Variants in EP300 observed in about 807,000 individuals in gnomAD.
EP300 encodes the protein histone acetyltransferase p300.
EP300 carries 31 observed loss-of-function variants against 264.0 expected under a neutral mutation model. The observed-to-expected ratio is 0.12, with a 90% CI of 0.09 to 0.16. EP300 has a LOEUF of 0.16. Among genes scored for constraint, EP300 ranks in the 10% least tolerant of loss-of-function variants. The pLI, the probability that EP300 is intolerant of heterozygous loss-of-function variation, is 1.00. For missense variants in EP300, 2,766 were observed against 3,052.9 expected (o/e 0.91, Z 2.21); for synonymous variants, 1,340 against 1,045.4 (o/e 1.28, Z -5.44).
intron 12 of EP300, 99 bp from the exon 13 acceptor site, chr22:41,148,939 A>G (rs1284800853): frequency 3.4e-5 from 52 of 1,546,854 alleles, no homozygotes; most frequent in South Asian, 8.0e-5. Flanking sequence ...GCTTTTCTCT[A>G]CTTAATAAGC....
At chr22:41,162,850 G>T in intron 21 of EP300, 71 bp downstream of exon 21, 1 of 1,284,058 alleles carries the variant, frequency 7.8e-7, no homozygotes, top group South Asian at 1.2e-5. Context: ...CTTGAAGTTT[G>T]CATGACCAAT....
At position 41,178,565 on chromosome 22, in the gene EP300, T is replaced by A; in HGVS notation, c.6854T>A (p.Leu2285His). ...CCCATGAGCCCCCAGCAGCATATGCTCCCAAATCAGGCCCAGTCCCCACAC... is the reference window on the plus strand; with the variant it reads ...CCCATGAGCCCCCAGCAGCATATGCACCCAAATCAGGCCCAGTCCCCACAC... The part of the protein sequence containing the change: ...PNPMSPQQHM[L>H]PNQAQSPHLQ... The change falls in exon 31 of 31, where the codon CTC becomes CAC. Residue 2285 changes from leucine to histidine, a missense_variant. Physicochemically the swap from Leu to His is moderately conservative, Grantham distance 99. Coordinates refer to ENST00000263253, the MANE Select transcript of EP300 (RefSeq NM_001429.4). The A allele has an allele frequency of 4.3e-6, 7 of 1,613,592 alleles. No individual in the cohort carries two copies. Among genetic ancestry groups the A allele is most frequent in the Non-Finnish European group, 5.9e-6 (7 of 1,179,902 alleles).
rs760714040 is a variant in EP300 at position 41,152,191 on chromosome 22, TA to T, written c.2998-14del. 2 of 1,613,624 alleles carry T rather than the reference TA, an allele frequency of 1.2e-6. No individual in the cohort carries two copies. Among genetic ancestry groups the T allele is most frequent in the South Asian group, 1.1e-5 (1 of 91,060 alleles). On this transcript the variant is annotated splice_polypyrimidine_tract_variant and intron_variant, in intron 15 of 30. Coordinates refer to ENST00000263253, the MANE Select transcript of EP300 (RefSeq NM_001429.4). ...ATATCTTTGGAATACTAAAAATTCT[TA>T]CGTTTTCTTTTAGTCTAAAGTGGAA...
At chr22:41,094,532 C>T (rs950880815) in intron 1 of EP300, among the ~76,000 whole-genome samples, 1 of 152,186 alleles carries the variant, frequency 6.6e-6, no homozygotes, top group African/African-American at 2.4e-5. Context: ...TTGATCTGTA[C>T]CTATTCTATG....
chr22:41,156,100 C>A (rs367555632), intron 17 of EP300, among the ~76,000 whole-genome samples: 4 of 152,104 alleles, frequency 2.6e-5, no homozygotes, highest in Non-Finnish European at 5.9e-5. Flanking sequence ...CAACCTCCCC[C>A]TCCCGGGTTC....
At chr22:41,111,697 C>T (rs1395718944) in intron 1 of EP300, among the ~76,000 whole-genome samples, 1 of 151,562 alleles carries the variant, frequency 6.6e-6, no homozygotes, top group Non-Finnish European at 1.5e-5. Context: ...TGCACCACCA[C>T]GTACCGCTAA....
chr22:41,127,466 A>G, intron 3 of EP300, 21 bp from the exon 4 acceptor site: 2 of 1,613,804 alleles, frequency 1.2e-6, no homozygotes, highest in Middle Eastern at 1.6e-4. Context: ...CTACCATTAA[A>G]TATATTGTTA....
chr22:41,178,324 A>T lies in EP300; in HGVS notation c.6613A>T (p.Met2205Leu). 2 of 1,614,196 alleles carry T rather than the reference A, an allele frequency of 1.2e-6. No homozygotes were observed. Among genetic ancestry groups the T allele is most frequent in the Non-Finnish European group, 1.7e-6 (2 of 1,180,018 alleles). The change falls in exon 31 of 31, where the codon ATG becomes TTG. Residue 2205 changes from methionine to leucine, a missense_variant. Transcript: ENST00000263253. ...QGAGPGIGPG[M>L]ANHNQFQQPQ... ...AGCAGGGCCAGGAATAGGCCCTGGA[A>T]TGGCCAACCATAACCAGTTCCAGCA...
chr22:41,119,505 C>T (rs1229521203), intron 2 of EP300, among the ~76,000 whole-genome samples: 2 of 151,958 alleles, frequency 1.3e-5, no homozygotes, highest in African/African-American at 2.4e-5. Context: ...TACAATAAAC[C>T]CTCACTGGTG....
rs1171308271 is a variant in EP300 at position 41,179,196 on chromosome 22, T to C, written c.*240T>C. On this transcript the variant is annotated 3_prime_UTR_variant, in exon 31 of 31. Transcript: ENST00000263253. Reference sequence around the variant, plus strand: ...GTTACCACCAGCCTTTCTTCCCCTTTGTGTGTGTGGTTCAAGTGTGCACTG... The same window carrying C: ...GTTACCACCAGCCTTTCTTCCCCTTCGTGTGTGTGGTTCAAGTGTGCACTG... 5 of 555,742 alleles carry C rather than the reference T, an allele frequency of 9.0e-6. No homozygotes were observed. Among genetic ancestry groups the C allele is most frequent in the Non-Finnish European group, 1.6e-5 (5 of 314,552 alleles). 34.4% of individuals were successfully genotyped at this position (555,742 alleles called of 1,614,324 possible).
At position 41,179,647 on chromosome 22, in the gene EP300, G is replaced by A. The variant is rs542469146; in HGVS notation, c.*691G>A. ...TCAAGTATTAAAATAATTTGTACATGTAGAGAGAAAAATGACTTTTTCAAA... is the reference window on the plus strand; with the variant it reads ...TCAAGTATTAAAATAATTTGTACATATAGAGAGAAAAATGACTTTTTCAAA... On this transcript the variant is annotated 3_prime_UTR_variant, in exon 31 of 31. Coordinates refer to ENST00000263253, the MANE Select transcript of EP300 (RefSeq NM_001429.4). 28 of 225,002 alleles carry A rather than the reference G, an allele frequency of 1.2e-4. No individual in the cohort carries two copies. Among genetic ancestry groups the A allele is most frequent in the African/African-American group, 5.8e-4 (26 of 44,766 alleles). The allele number at this position is 225,002 out of a possible 1,614,324, so 13.9% of individuals were successfully genotyped here.
At chr22:41,108,308 G>A (rs1376807677) in intron 1 of EP300, among the ~76,000 whole-genome samples, 1 of 147,558 alleles carries the variant, frequency 6.8e-6, no homozygotes, top group African/African-American at 2.5e-5. Flanking sequence ...GAGTGCAGTG[G>A]CGTGATCATG....
rs145997207 is a variant in EP300 at position 41,096,899 on chromosome 22, G to A, written c.94+3801G>A. ...CTCCCAAAGTGCTGGGAATACAGGCGTGAGCCACCATGCCCGGCTGTCAGC... is the reference window on the plus strand; with the variant it reads ...CTCCCAAAGTGCTGGGAATACAGGCATGAGCCACCATGCCCGGCTGTCAGC... On this transcript the variant is annotated intron_variant, in intron 1 of 30. Transcript: ENST00000263253. 7.5e-3 allele frequency among the ~76,000 whole-genome samples: 1,141 copies of A among 152,274 alleles called. 13 individuals are homozygous for A. The highest frequency in any genetic ancestry group is 0.026 in the African/African-American group (1,093 of 41,562).
intron 1 of EP300, among the ~76,000 whole-genome samples, chr22:41,107,005 C>T (rs964213351): frequency 4.9e-4 from 74 of 152,208 alleles, no homozygotes; most frequent in African/African-American, 1.7e-3. Flanking sequence ...CTCCAAGGTT[C>T]GGGTGATTCT....
At chr22:41,166,059 A>G (rs2145758626) in intron 22 of EP300, among the ~76,000 whole-genome samples, 1 of 152,346 alleles carries the variant, frequency 6.6e-6, no homozygotes, top group Middle Eastern at 3.4e-3. Flanking sequence ...TACTGGGATT[A>G]CAGGCGGGAG....
intron 1 of EP300, among the ~76,000 whole-genome samples, chr22:41,094,831 T>TA (rs2058693319): frequency 6.6e-6 from 1 of 152,178 alleles, no homozygotes; most frequent in South Asian, 2.1e-4. Flanking sequence ...GTACTTTGAG[T>TA]AGTCCTGATT....
chr22:41,103,077 G>T (rs1266112461), intron 1 of EP300, among the ~76,000 whole-genome samples: 1 of 152,106 alleles, frequency 6.6e-6, no homozygotes, highest in South Asian at 2.1e-4. Context: ...CTCGAACTCT[G>T]GCCTCAAGTG....
At position 41,178,174 on chromosome 22, in the gene EP300, C is replaced by G. The variant is rs1395341107; in HGVS notation, c.6463C>G (p.Gln2155Glu). Residue 2155 changes from glutamine to glutamate, a missense_variant, in exon 31 of 31, where the codon CAG becomes GAG. Gln to Glu is a conservative substitution (Grantham distance 29, BLOSUM62 2). Transcript: ENST00000263253. ...CCAGCAGCAACCACAGCAGCAACTCCAGCCACCCATGGGAGGGATGAGCCC... is the reference window on the plus strand; with the variant it reads ...CCAGCAGCAACCACAGCAGCAACTCGAGCCACCCATGGGAGGGATGAGCCC... The part of the protein sequence containing the change: ...LPQQQPQQQL[Q>E]PPMGGMSPQA... The G allele has an allele frequency of 1.2e-6, 2 of 1,614,192 alleles. No homozygotes were observed. The highest frequency in any genetic ancestry group is 2.2e-5 in the South Asian group (2 of 91,076).
chr22:41,170,410 A>G lies in EP300; in HGVS notation c.4291A>G (p.Thr1431Ala). The G allele has an allele frequency of 1.2e-6, 2 of 1,613,504 alleles. No individual in the cohort carries two copies. Among genetic ancestry groups the G allele is most frequent in the Non-Finnish European group, 8.5e-7 (1 of 1,179,390 alleles). ...YLEYVKKLGY[T>A]TGHIWACPPS... ...TCTTTCTCTTTGTATTGTTAGTTAC[A>G]CAACAGGGCATATTTGGGCATGTCC... The change falls in exon 27 of 31, where the codon ACA becomes GCA. Residue 1431 changes from threonine (T) to alanine (A), a missense_variant. By Grantham distance (58) the Thr-to-Ala change is moderately conservative. Coordinates refer to ENST00000263253, the MANE Select transcript of EP300 (RefSeq NM_001429.4).
Sources: gnomAD v4.1 joint callset for allele counts (sites outside exome capture counted in the v4.1 genomes callset) on GRCh38, gnomAD v4.1.1 for gene constraint, MANE v1.5 for transcripts, NCBI Gene and HGNC (gene_info 2026-07-23, HGNC 2026-07-21) for gene names.